DMD: variants seen among roughly 807,000 people sequenced by gnomAD.
DMD encodes dystrophin.
A neutral mutation model predicts 330.1 loss-of-function variants in DMD; 63 were observed. That is an observed-to-expected ratio of 0.19 (90% CI 0.16 to 0.24). DMD has a LOEUF of 0.24. Among genes scored for constraint, DMD ranks in the 10% least tolerant of loss-of-function variants. The pLI, the probability that DMD is intolerant of heterozygous loss-of-function variation, is 1.00. For missense variants in DMD, 3,344 were observed against 2,684.1 expected, an observed-to-expected ratio of 1.25 and a Z score of -5.43; for synonymous variants, 1,223 against 959.8, an observed-to-expected ratio of 1.27 and a Z score of -5.07.
intron 54 of DMD, among the ~76,000 whole-genome samples, chrX:31,657,660 G>A (rs1033018160): frequency 1.8e-5 from 2 of 111,880 alleles, no homozygotes; most frequent in Admixed American, 9.5e-5. Flanking sequence ...GGCAGTGTGC[G>A]CCATGATGAG....
intron 44 of DMD, among the ~76,000 whole-genome samples, chrX:32,165,068 G>A (rs2096863271): frequency 8.9e-6 from 1 of 112,438 alleles, no homozygotes; most frequent in African/African-American, 3.2e-5. Context: ...AAGACCTCAT[G>A]GAGAACCTCG....
chrX:32,836,622 G>A (rs1270448617), intron 4 of DMD, among the ~76,000 whole-genome samples: 1 of 110,972 alleles, frequency 9.0e-6, no homozygotes, highest in Non-Finnish European at 1.9e-5. Flanking sequence ...TCTTTTTAAT[G>A]AAGATCAAAA....
At chrX:31,871,918 A>G (rs2093896980) in intron 48 of DMD, among the ~76,000 whole-genome samples, 1 of 59,000 alleles carries the variant, frequency 1.7e-5, no homozygotes, top group Admixed American at 2.3e-4. Flanking sequence ...AAACTGTGCA[A>G]TCTTAATAAA....
chrX:32,868,776 G>C (rs1424785674), intron 2 of DMD, among the ~76,000 whole-genome samples: 1 of 112,189 alleles, frequency 8.9e-6, no homozygotes, highest in Admixed American at 9.3e-5. Context: ...CCTAGGGGGA[G>C]GGGTGGCCAT....
chrX:32,725,720 G>T (rs1344397227), intron 7 of DMD, among the ~76,000 whole-genome samples: 1 of 110,934 alleles, frequency 9.0e-6, no homozygotes, highest in Non-Finnish European at 1.9e-5. Flanking sequence ...GTAAGCTGGG[G>T]TTGGTTAATG....
chrX:32,964,576 C>T (rs995835732), intron 2 of DMD, among the ~76,000 whole-genome samples: 2 of 109,559 alleles, frequency 1.8e-5, no homozygotes, highest in African/African-American at 3.3e-5. Context: ...GGCGTGGTGG[C>T]GTGCGCCTGT....
At chrX:32,783,295 CAT>C (rs768385698) in intron 7 of DMD, among the ~76,000 whole-genome samples, 95 of 99,245 alleles carry the variant, frequency 9.6e-4, no homozygotes, top group Middle Eastern at 0.011. Context: ...TATATACACA[CAT>C]ATATGTACAC....
intron 44 of DMD, among the ~76,000 whole-genome samples, chrX:32,012,557 A>C (rs913828636): frequency 2.7e-5 from 3 of 112,030 alleles, no homozygotes; most frequent in Admixed American, 9.5e-5. Flanking sequence ...TTAAAGCTAT[A>C]CAGCTTCTGT....
At chrX:33,197,456 GTGTT>G (rs1425590589) in intron 1 of DMD, among the ~76,000 whole-genome samples, 1 of 111,281 alleles carries the variant, frequency 9.0e-6, no homozygotes, top group Non-Finnish European at 1.9e-5. Context: ...GTGTGTGTGT[GTGTT>G]TGTGTGTGAA....
At chrX:32,299,263 T>C (rs1260258028) in intron 42 of DMD, among the ~76,000 whole-genome samples, 2 of 110,963 alleles carry the variant, frequency 1.8e-5, no homozygotes, top group Non-Finnish European at 3.8e-5. Flanking sequence ...GTCCAATTTA[T>C]CCTGCCATTT....
At chrX:31,223,214 C>T in intron 63 of DMD, 93 bp from the exon 64 acceptor site, 1 of 771,180 alleles carries the variant, frequency 1.3e-6, no homozygotes, top group South Asian at 2.1e-5. Context: ...ATAACTACAA[C>T]CACCACAAAA....
At chrX:31,904,327 C>A (rs1418215380) in intron 47 of DMD, among the ~76,000 whole-genome samples, 1 of 111,423 alleles carries the variant, frequency 9.0e-6, no homozygotes, top group Admixed American at 9.6e-5. Flanking sequence ...GGGAAATAAT[C>A]CGTGGTGGGA....
chrX:31,235,420 G>A (rs924171746), intron 63 of DMD, among the ~76,000 whole-genome samples: 21 of 111,781 alleles, frequency 1.9e-4, no homozygotes, highest in Non-Finnish European at 3.6e-4. Context: ...AAAATCTATA[G>A]TAATACTGAT....
At chrX:32,842,657 T>C (rs1461244082) in intron 4 of DMD, among the ~76,000 whole-genome samples, 1 of 111,454 alleles carries the variant, frequency 9.0e-6, no homozygotes, top group Non-Finnish European at 1.9e-5. Context: ...CTCGTACTTA[T>C]TGAGAATATG....
chrX:32,273,333 T>C (rs1159449761), intron 43 of DMD, among the ~76,000 whole-genome samples: 4 of 110,894 alleles, frequency 3.6e-5, no homozygotes, highest in Non-Finnish European at 1.9e-5. Context: ...GGTGTGCCTC[T>C]GTAATCCCAT....
intron 41 of DMD, among the ~76,000 whole-genome samples, chrX:32,317,732 CTA>C (rs1336046135): frequency 3.6e-5 from 4 of 110,580 alleles, no homozygotes; most frequent in African/African-American, 1.3e-4. Context: ...CACAAAATAA[CTA>C]TATATCTCAT....
At chrX:31,251,099 A>AAAC (rs1556387902) in intron 63 of DMD, among the ~76,000 whole-genome samples, 1 of 106,029 alleles carries the variant, frequency 9.4e-6, no homozygotes, top group Admixed American at 1.0e-4. Flanking sequence ...AAAAAAAAAA[A>AAAC]CCCACCACCA....
chrX:32,049,190 C>A (rs1241170271), intron 44 of DMD, among the ~76,000 whole-genome samples: 1 of 111,218 alleles, frequency 9.0e-6, no homozygotes, highest in African/African-American at 3.3e-5. Flanking sequence ...AGATTTGAGA[C>A]AACAGCATGC....
intron 63 of DMD, among the ~76,000 whole-genome samples, chrX:31,248,585 C>T (rs1038811399): frequency 9.0e-6 from 1 of 111,374 alleles, no homozygotes; most frequent in Non-Finnish European, 1.9e-5. Flanking sequence ...GGTTGGTTGC[C>T]TTACTGTCCA....
Sources: allele counts gnomAD v4.1 joint callset (sites outside exome capture counted in the v4.1 genomes callset), GRCh38; gene constraint gnomAD v4.1.1; transcripts MANE v1.5; gene names NCBI Gene and HGNC (gene_info 2026-07-23, HGNC 2026-07-21).